SGCD: variants seen among roughly 807,000 people sequenced by gnomAD.
SGCD encodes the protein delta-sarcoglycan.
A neutral mutation model predicts 36.6 loss-of-function variants in SGCD; 18 were observed. The ratio of observed to expected loss-of-function variants is 0.49; its 90% confidence interval spans 0.34 to 0.73. The LOEUF is 0.73. Ranked by LOEUF, SGCD falls within the 30% of genes least tolerant of loss-of-function variation. SGCD has a pLI of 0.01. For synonymous variants in SGCD, 133 were observed against 130.6 expected, an observed-to-expected ratio of 1.02 and a Z score of -0.12; for missense variants, 387 against 346.7, an observed-to-expected ratio of 1.12 and a Z score of -0.92.
chr5:156,451,873 G>T (rs1424778773), intron 3 of SGCD, among the ~76,000 whole-genome samples: 1 of 152,126 alleles, frequency 6.6e-6, no homozygotes, highest in Non-Finnish European at 1.5e-5. Flanking sequence ...AAAGCCATTG[G>T]CCTTTGTTGA....
intron 1 of SGCD, among the ~76,000 whole-genome samples, chr5:155,895,119 G>A (rs1756219020): frequency 6.6e-6 from 1 of 152,180 alleles, no homozygotes; most frequent in Admixed American, 6.6e-5. Context: ...AGCTACAGGG[G>A]CTACAAGACC....
chr5:155,827,850 T>TTTTTC, the SGCD span, among the ~76,000 whole-genome samples: 2 of 147,952 alleles, frequency 1.4e-5, no homozygotes, highest in African/African-American at 5.0e-5. Flanking sequence ...GGCTAATTTT[T>TTTTTC]TTTTTTTTTT....
chr5:155,970,819 T>C (rs1242581576), intron 1 of SGCD, among the ~76,000 whole-genome samples: 5 of 152,184 alleles, frequency 3.3e-5, no homozygotes, highest in Non-Finnish European at 7.4e-5. Context: ...AAGTAATATA[T>C]GAGGGAGTTG....
rs557282477 is a variant in SGCD, at chr5:156,096,926, A to G, written c.-281-20952A>G. On this transcript the variant is annotated intron_variant, in intron 1 of 9. Transcript: ENST00000517913. ...TGTCTTAGTTTTCCTTCATCTGAGAATATTTTTATTTCCCTTTCCTTCCTC... is the reference window on the plus strand; with the variant it reads ...TGTCTTAGTTTTCCTTCATCTGAGAGTATTTTTATTTCCCTTTCCTTCCTC... Among the ~76,000 whole-genome samples, 25 of 152,234 alleles carry G rather than the reference A, an allele frequency of 1.6e-4. No homozygotes were observed. The East Asian group carries it at 3.5e-3, about 21-fold the overall frequency.
At chr5:156,195,773 G>A (rs2127634633) in intron 3 of SGCD, among the ~76,000 whole-genome samples, 1 of 152,320 alleles carries the variant, frequency 6.6e-6, no homozygotes, top group South Asian at 2.1e-4. Context: ...TACTGGGCAA[G>A]CAAGAGCAAA....
chr5:156,231,552 A>C (rs967451298), intron 3 of SGCD, among the ~76,000 whole-genome samples: 6 of 152,132 alleles, frequency 3.9e-5, no homozygotes, highest in East Asian at 1.9e-4. Flanking sequence ...ATCAATCAAT[A>C]AATAATTAAA....
At chr5:156,492,850 G>A (rs939273456) in intron 3 of SGCD, among the ~76,000 whole-genome samples, 1 of 152,080 alleles carries the variant, frequency 6.6e-6, no homozygotes, top group African/African-American at 2.4e-5. Context: ...TGCTGAGAAG[G>A]ATGGTTTCCA....
intron 1 of SGCD, among the ~76,000 whole-genome samples, chr5:155,918,623 C>T (rs1204215690): frequency 1.3e-5 from 2 of 152,094 alleles, no homozygotes; most frequent in African/African-American, 4.8e-5. Flanking sequence ...AACTGTGGGG[C>T]CACATATTTC....
At chr5:155,741,066 G>A in the SGCD span, among the ~76,000 whole-genome samples, 2 of 152,132 alleles carry the variant, frequency 1.3e-5, no homozygotes, top group African/African-American at 4.8e-5. Context: ...ATGGAAAGGT[G>A]GGACATCTTG....
intron 1 of SGCD, among the ~76,000 whole-genome samples, chr5:156,103,602 G>A (rs1219877724): frequency 6.6e-6 from 1 of 151,980 alleles, no homozygotes; most frequent in Non-Finnish European, 1.5e-5. Context: ...GAATTTAAAA[G>A]AATCAAAGTG....
intron 1 of SGCD, among the ~76,000 whole-genome samples, chr5:156,047,382 C>G (rs1759794761): frequency 6.6e-6 from 1 of 152,120 alleles, no homozygotes; most frequent in African/African-American, 2.4e-5. Flanking sequence ...CTAGGACTTT[C>G]ATAGCTAAAG....
chr5:156,355,144 C>G (rs937822111), intron 3 of SGCD, among the ~76,000 whole-genome samples: 1 of 152,164 alleles, frequency 6.6e-6, no homozygotes, highest in Non-Finnish European at 1.5e-5. Context: ...TGTTTCAAAA[C>G]TGGTCCAAAA....
At chr5:155,803,985 A>T in the SGCD span, among the ~76,000 whole-genome samples, 1 of 152,208 alleles carries the variant, frequency 6.6e-6, no homozygotes, top group African/African-American at 2.4e-5. Context: ...AGAAAGGATT[A>T]TCTCAAAAAC....
intron 1 of SGCD, among the ~76,000 whole-genome samples, chr5:156,109,999 C>G (rs1267622360): frequency 6.6e-6 from 1 of 152,216 alleles, no homozygotes; most frequent in Non-Finnish European, 1.5e-5. Context: ...TTCTGAGTTT[C>G]TATCCTGCAT....
chr5:156,138,237 T>G (rs193261076), intron 3 of SGCD, among the ~76,000 whole-genome samples: 44 of 152,076 alleles, frequency 2.9e-4, no homozygotes, highest in African/African-American at 1.0e-3. Flanking sequence ...CCATCTCTAC[T>G]AAAAATAGAA....
At chr5:156,194,449 C>A (rs956674425) in intron 3 of SGCD, among the ~76,000 whole-genome samples, 1 of 151,968 alleles carries the variant, frequency 6.6e-6, no homozygotes, top group African/African-American at 2.4e-5. Flanking sequence ...TGAAACTCTG[C>A]TACTTTTATT....
chr5:156,362,968 A>G (rs1769889794), intron 3 of SGCD, among the ~76,000 whole-genome samples: 1 of 152,098 alleles, frequency 6.6e-6, no homozygotes, highest in Non-Finnish European at 1.5e-5. Context: ...ATTGACTATA[A>G]TTTCTGTCTT....
chr5:155,911,932 T>C (rs1041374072), intron 1 of SGCD, among the ~76,000 whole-genome samples: 2 of 151,976 alleles, frequency 1.3e-5, no homozygotes, highest in Admixed American at 1.3e-4. Flanking sequence ...TCTAAAGGAG[T>C]GGCCCCAATT....
At chr5:155,728,885 C>A in the SGCD span, among the ~76,000 whole-genome samples, 1 of 152,340 alleles carries the variant, frequency 6.6e-6, no homozygotes, top group African/African-American at 2.4e-5. Context: ...GAGTGCGTAG[C>A]CTTCGCCGCG....
Sources: allele counts gnomAD v4.1 joint callset (sites outside exome capture counted in the v4.1 genomes callset), GRCh38; gene constraint gnomAD v4.1.1; transcripts MANE v1.5; gene names NCBI Gene and HGNC (gene_info 2026-07-23, HGNC 2026-07-21).